The following PDE11A variants were observed in gnomAD, a reference collection of about 807,000 sequenced individuals.
PDE11A encodes phosphodiesterase 11A, also known as dual 3',5'-cyclic-AMP and -GMP phosphodiesterase 11A.
Under a neutral mutation model 100.5 loss-of-function variants are expected in PDE11A, and 100 were observed. The ratio of observed to expected loss-of-function variants is 1.00; its 90% CI spans 0.85 to 1.18. PDE11A has a LOEUF of 1.18. Ranked by LOEUF, PDE11A falls within the 50% of genes most tolerant of loss-of-function variation. The pLI is 0.00. For synonymous variants in PDE11A, 381 were observed against 420.8 expected (o/e 0.91, Z 1.16); for missense variants, 1,141 against 1,152.6 (o/e 0.99, Z 0.15).
intron 1 of PDE11A, among the ~76,000 whole-genome samples, chr2:178,061,773 G>A (rs1574376586): frequency 6.6e-6 from 1 of 152,132 alleles, no homozygotes; most frequent in African/African-American, 2.4e-5. Context: ...CACAAGAAAT[G>A]ATTAATATTG....
chr2:177,838,323 G>C (rs1346332720), intron 6 of PDE11A, among the ~76,000 whole-genome samples: 3 of 152,052 alleles, frequency 2.0e-5, no homozygotes, highest in South Asian at 2.1e-4. Flanking sequence ...ACAACTACTA[G>C]ATTTTCTTCT....
chr2:177,857,119 T>G (rs905541314), intron 5 of PDE11A, among the ~76,000 whole-genome samples: 1 of 151,858 alleles, frequency 6.6e-6, no homozygotes, highest in Non-Finnish European at 1.5e-5. Flanking sequence ...GATCAGAAAC[T>G]ATAAGGCTAG....
intron 9 of PDE11A, among the ~76,000 whole-genome samples, chr2:177,814,035 C>T (rs920775919): frequency 2.0e-5 from 3 of 152,006 alleles, no homozygotes; most frequent in African/African-American, 4.8e-5. Flanking sequence ...AGCACTAGCC[C>T]AGGATCTCAG....
intron 9 of PDE11A, among the ~76,000 whole-genome samples, chr2:177,775,805 T>C (rs1002396238): frequency 6.6e-6 from 1 of 152,186 alleles, no homozygotes. Flanking sequence ...CTCTGTTAAC[T>C]CCATTATTCT....
intron 2 of PDE11A, among the ~76,000 whole-genome samples, chr2:177,946,101 G>T (rs188827128): frequency 3.7e-5 from 3 of 82,146 alleles, no homozygotes; most frequent in East Asian, 4.1e-4. Context: ...GGATGGAGGT[G>T]GGGGGGGGTC....
At chr2:177,959,303 A>G (rs1036574470) in intron 2 of PDE11A, among the ~76,000 whole-genome samples, 1 of 152,200 alleles carries the variant, frequency 6.6e-6, no homozygotes, top group Non-Finnish European at 1.5e-5. Flanking sequence ...GGCCTAGATG[A>G]TGCAGGACCT....
At chr2:177,720,101 G>C (rs1377285775) in intron 12 of PDE11A, among the ~76,000 whole-genome samples, 1 of 152,056 alleles carries the variant, frequency 6.6e-6, no homozygotes, top group Non-Finnish European at 1.5e-5. Flanking sequence ...CATGTGCATG[G>C]ACAGCAACCC....
intron 15 of PDE11A, among the ~76,000 whole-genome samples, chr2:177,690,752 A>G (rs1273965669): frequency 6.6e-6 from 1 of 152,152 alleles, no homozygotes; most frequent in Admixed American, 6.5e-5. Context: ...AAGTCTGATT[A>G]ATTTAGGAAG....
At position 177,717,271 on chromosome 2, in the gene PDE11A, C is replaced by T. The variant is rs187080941; in HGVS notation, c.2044-5393G>A. 2.7e-3 allele frequency among the ~76,000 whole-genome samples: 415 copies of T among 152,142 alleles called. 7 individuals carry two copies. Among genetic ancestry groups the T allele is most frequent in the African/African-American group, 9.3e-3 (388 of 41,500 alleles). ...TGGGAGTCATCAGGCCTGAAAAATG[C>T]CCACCTGCCACTAAGTGTCCTTTTG... On this transcript the variant is annotated intron_variant, in intron 12 of 19. Transcript: ENST00000286063.
chr2:178,083,699 C>T (rs2087314793), intron 2 of PDE11A, among the ~76,000 whole-genome samples: 1 of 152,168 alleles, frequency 6.6e-6, no homozygotes, highest in South Asian at 2.1e-4. Flanking sequence ...CAAATACATA[C>T]AAAATAAGTT....
At position 177,680,932 on chromosome 2, in the gene PDE11A, GA is replaced by G. The variant is rs11304036; in HGVS notation, c.2346-30del. On this transcript the variant is annotated intron_variant, in intron 15 of 19. Transcript: ENST00000286063. Reference sequence around the variant, plus strand: ...CAGGAAAATCAAATGAAGAAAGAAAGAAAAAAAAAACTGGAATGAGATTTCC... The same window carrying G: ...CAGGAAAATCAAATGAAGAAAGAAAGAAAAAAAAACTGGAATGAGATTTCC... 10,862 of 1,109,332 alleles carry G rather than the reference GA, an allele frequency of 9.8e-3. 552 individuals are homozygous for G. In the African/African-American group the frequency reaches 0.13, roughly 14 times the overall value. The allele number at this position is 1,109,332 out of a possible 1,614,324, so 68.7% of individuals were successfully genotyped here.
chr2:177,791,778 T>G (rs6433694), intron 9 of PDE11A, among the ~76,000 whole-genome samples: 50,481 of 151,952 alleles, frequency 0.33, 8,755 homozygotes, highest in African/African-American at 0.39. Context: ...CTATTGCTTT[T>G]ACTATATTTT....
chr2:177,660,134 TCCTTCTCTC>T (rs1441669442), intron 19 of PDE11A, among the ~76,000 whole-genome samples: 12 of 83,892 alleles, frequency 1.4e-4, no homozygotes, highest in Non-Finnish European at 1.8e-4. Context: ...TTTCTTTCAT[TCCTTCTCTC>T]TCTTTCTTTC....
chr2:177,870,388 AGTACCAACAAC>A (rs2084110110), intron 5 of PDE11A, among the ~76,000 whole-genome samples: 1 of 152,252 alleles, frequency 6.6e-6, no homozygotes, highest in Non-Finnish European at 1.5e-5. Context: ...CAATCTATGT[AGTACCAACAAC>A]GTACAATACA....
chr2:177,756,571 C>T (rs553091772), intron 10 of PDE11A, among the ~76,000 whole-genome samples: 15 of 152,256 alleles, frequency 9.9e-5, no homozygotes, highest in Middle Eastern at 3.4e-3. Context: ...CCTGTTCCCA[C>T]AGAAATCACA....
chr2:177,680,419 G>A (rs2080845593), intron 16 of PDE11A, among the ~76,000 whole-genome samples: 1 of 152,088 alleles, frequency 6.6e-6, no homozygotes, highest in Non-Finnish European at 1.5e-5. Context: ...TGTTCTGACT[G>A]GTTTTCTATC....
chr2:177,748,377 T>G (rs1046637709), intron 10 of PDE11A, among the ~76,000 whole-genome samples: 1 of 152,140 alleles, frequency 6.6e-6, no homozygotes, highest in African/African-American at 2.4e-5. Flanking sequence ...GATTGTAAAT[T>G]TATCTTCTGA....
chr2:178,089,525 T>C (rs1300338547), intron 2 of PDE11A, among the ~76,000 whole-genome samples: 4 of 152,184 alleles, frequency 2.6e-5, no homozygotes, highest in African/African-American at 7.2e-5. Flanking sequence ...GGATTAGATA[T>C]CAAAGCTGAG....
At position 178,060,506 on chromosome 2, in the gene PDE11A, G is replaced by A. The variant is rs144771578; in HGVS notation, c.912+11020C>T. Among the ~76,000 whole-genome samples the A allele has an allele frequency of 1.7e-3, 259 of 152,186 alleles. 2 individuals carry two copies. Among genetic ancestry groups the A allele is most frequent in the African/African-American group, 6.0e-3 (250 of 41,516 alleles). The stretch of plus-strand genomic sequence containing the variant: ...TTAAGCACTTTTCAGGTTTAATCTT[G>A]GCAACCTCTTAAGACAGAAGGTATC... On this transcript the variant is annotated intron_variant, in intron 1 of 19. Transcript: ENST00000286063.
Sources: gnomAD v4.1 joint callset for allele counts (sites outside exome capture counted in the v4.1 genomes callset) on GRCh38, gnomAD v4.1.1 for gene constraint, MANE v1.5 for transcripts, NCBI Gene and HGNC (gene_info 2026-07-23, HGNC 2026-07-21) for gene names.